Variants in COL12A1 observed in about 807,000 individuals in gnomAD.
COL12A1 encodes collagen type XII alpha 1 chain.
A neutral mutation model predicts 349.7 loss-of-function variants in COL12A1; 114 were observed. The observed-to-expected ratio is 0.33, with a 90% CI of 0.28 to 0.38. The LOEUF (loss-of-function observed/expected upper bound fraction) is 0.38. Among genes scored for constraint, COL12A1 ranks in the 10% least tolerant of loss-of-function variants. The pLI is 1.00. For synonymous variants in COL12A1, 1,369 were observed against 1,329.0 expected (o/e 1.03, Z -0.66); for missense variants, 3,284 against 3,756.9 (o/e 0.87, Z 3.29).
chr6:75,097,370 T>A, intron 58 of COL12A1, 64 bp from the exon 59 acceptor site: 1 of 1,362,796 alleles, frequency 7.3e-7, no homozygotes, highest in Non-Finnish European at 1.0e-6. Flanking sequence ...GAAAAGATGC[T>A]AAACAGGTTG....
chr6:75,134,947 G>C, intron 31 of COL12A1, 92 bp from the exon 32 acceptor site: 1 of 1,369,342 alleles, frequency 7.3e-7, no homozygotes, highest in Non-Finnish European at 9.8e-7. Flanking sequence ...GAAGCTGTTT[G>C]AGACCCTTGT....
intron 31 of COL12A1, among the ~76,000 whole-genome samples, chr6:75,135,964 T>C (rs1023169892): frequency 2.6e-5 from 4 of 152,178 alleles, no homozygotes; most frequent in African/African-American, 9.7e-5. Flanking sequence ...GCATCAGTTA[T>C]TCATCATTTT....
At chr6:75,155,995 A>C (rs1767739622) in intron 15 of COL12A1, 141 bp from the exon 16 acceptor site, 5 of 948,654 alleles carry the variant, frequency 5.3e-6, no homozygotes, top group African/African-American at 5.0e-5. Context: ...ATAGAAGTCC[A>C]GATAACAGAG....
intron 23 of COL12A1, 89 bp downstream of exon 23, chr6:75,147,586 G>T: frequency 8.2e-7 from 1 of 1,225,614 alleles, no homozygotes; most frequent in South Asian, 1.5e-5. Context: ...GTTAAATAAA[G>T]AAATTATTTG....
Position 75,147,672 on chromosome 6 carries a change from C to T in COL12A1, c.4417+3G>A, listed in dbSNP as rs2149409131. ...TGAGAAACAATTTTTTAATCTGACT[C>T]ACAGGTTTTTTCTGTCCCCTTCAGA... On this transcript the variant is annotated splice_donor_region_variant and intron_variant, in intron 23 of 65. Coordinates refer to ENST00000322507, the MANE Select transcript of COL12A1 (RefSeq NM_004370.6). 1 of 1,590,224 alleles carries T rather than the reference C, an allele frequency of 6.3e-7. No individual in the cohort carries two copies. Among genetic ancestry groups the T allele is most frequent in the East Asian group, 2.3e-5 (1 of 44,160 alleles).
At chr6:75,174,330 G>A (rs768242421) in intron 13 of COL12A1, among the ~76,000 whole-genome samples, 33 of 152,164 alleles carry the variant, frequency 2.2e-4, no homozygotes, top group Non-Finnish European at 5.9e-5. Context: ...GCCGAGGCGG[G>A]CGGATCACGA....
At chr6:75,182,961 A>C (rs905131994) in intron 10 of COL12A1, 89 bp downstream of exon 10, 26 of 1,451,354 alleles carry the variant, frequency 1.8e-5, no homozygotes, top group Admixed American at 1.2e-4. Flanking sequence ...TGTCTATAAG[A>C]AGAATTGAAC....
At chr6:75,120,689 G>A (rs765964119) in intron 44 of COL12A1, among the ~76,000 whole-genome samples, 1 of 152,144 alleles carries the variant, frequency 6.6e-6, no homozygotes, top group Non-Finnish European at 1.5e-5. Context: ...AACTGTGTTA[G>A]GGTTACATGA....
chr6:75,128,813 A>G (rs1766151635), intron 37 of COL12A1, among the ~76,000 whole-genome samples: 1 of 152,242 alleles, frequency 6.6e-6, no homozygotes, highest in Admixed American at 6.5e-5. Context: ...ATATGTACCC[A>G]GTACCCGCTG....
intron 2 of COL12A1, among the ~76,000 whole-genome samples, chr6:75,198,255 A>C (rs1213217966): frequency 4.6e-5 from 7 of 152,182 alleles, no homozygotes; most frequent in Admixed American, 6.5e-5. Context: ...TTTTGTAATC[A>C]GACCTTGGCA....
chr6:75,103,339 G>A (rs561643013), intron 55 of COL12A1, among the ~76,000 whole-genome samples: 6 of 152,252 alleles, frequency 3.9e-5, no homozygotes, highest in Admixed American at 3.3e-4. Context: ...GGCAGAAGGG[G>A]CAGGTGACCC....
chr6:75,179,405 C>T (rs976585703), intron 11 of COL12A1, among the ~76,000 whole-genome samples: 2 of 152,072 alleles, frequency 1.3e-5, no homozygotes, highest in African/African-American at 4.8e-5. Flanking sequence ...GTGGGCATTA[C>T]AGGAAAAGCA....
Position 75,115,745 on chromosome 6 carries a change from G to A in COL12A1, c.7697+39C>T, listed in dbSNP as rs563646808. ...GCAAATATTCCAAGAACTTTTTGCA[G>A]GTCTTAAGAAAAGGAAAACCTCCTG... On this transcript the variant is annotated intron_variant, in intron 49 of 65. Coordinates refer to ENST00000322507, the MANE Select transcript of COL12A1 (RefSeq NM_004370.6). The A allele has an allele frequency of 2.0e-5, 31 of 1,562,548 alleles. No homozygotes were observed. In the South Asian group the frequency reaches 3.4e-4, roughly 17 times the overall value.
At chr6:75,094,779 G>A (rs1340706410) in intron 60 of COL12A1, among the ~76,000 whole-genome samples, 6 of 152,144 alleles carry the variant, frequency 3.9e-5, no homozygotes, top group Admixed American at 2.0e-4. Context: ...TCCATCTTAA[G>A]CAGCATACCA....
At chr6:75,187,356 T>C (rs1203210) in intron 8 of COL12A1, among the ~76,000 whole-genome samples, 137,874 of 151,642 alleles carry the variant, frequency 0.91, 62,772 homozygotes, top group Non-Finnish European at 0.93. Context: ...ACCTGTGATG[T>C]AGCCCCAGCC....
At chr6:75,203,081 TC>T (rs1470806382) in intron 1 of COL12A1, among the ~76,000 whole-genome samples, 1 of 152,180 alleles carries the variant, frequency 6.6e-6, no homozygotes, top group East Asian at 1.9e-4. Context: ...CTGCTTAGCA[TC>T]CCGGGTGAAG....
intron 13 of COL12A1, among the ~76,000 whole-genome samples, chr6:75,171,381 A>G (rs1466495411): frequency 6.6e-6 from 1 of 152,192 alleles, no homozygotes; most frequent in African/African-American, 2.4e-5. Flanking sequence ...TTCCAGCAAC[A>G]AGGGAATTTT....
At chr6:75,173,884 T>C (rs1258841366) in intron 13 of COL12A1, among the ~76,000 whole-genome samples, 1 of 152,134 alleles carries the variant, frequency 6.6e-6, no homozygotes, top group Non-Finnish European at 1.5e-5. Flanking sequence ...TTTCTTCCTA[T>C]AATCATTTAA....
intron 60 of COL12A1, among the ~76,000 whole-genome samples, chr6:75,092,792 C>T (rs1767837522): frequency 6.6e-6 from 1 of 151,086 alleles, no homozygotes; most frequent in African/African-American, 2.5e-5. Flanking sequence ...CCATTCCCAT[C>T]AGATTTAGAG....
Sources: allele counts gnomAD v4.1 joint callset (sites outside exome capture counted in the v4.1 genomes callset), GRCh38; gene constraint gnomAD v4.1.1; transcripts MANE v1.5; gene names NCBI Gene and HGNC (gene_info 2026-07-23, HGNC 2026-07-21).